Variants in WDR72 observed in about 807,000 individuals in gnomAD.
WDR72 encodes WD repeat-containing protein 72.
WDR72 carries 120 observed loss-of-function variants against 124.2 expected under a neutral mutation model. The observed-to-expected ratio is 0.97, with a 90% CI of 0.83 to 1.12. The LOEUF (loss-of-function observed/expected upper bound fraction) is 1.12, where lower values mean the gene tolerates loss of function less well. Ranked by LOEUF, WDR72 falls within the 50% of genes most tolerant of loss-of-function variation. The probability of loss-of-function intolerance (pLI) is 0.00; values close to 1 mark genes in which losing one functional copy is unlikely to be tolerated. For missense variants in WDR72, 1,387 were observed against 1,278.8 expected, an observed-to-expected ratio of 1.08 and a Z score of -1.29; for synonymous variants, 452 against 441.7, an observed-to-expected ratio of 1.02 and a Z score of -0.29.
chr15:53,555,263 A>G (rs1417700925), intron 18 of WDR72, among the ~76,000 whole-genome samples: 3 of 151,662 alleles, frequency 2.0e-5, no homozygotes, highest in African/African-American at 4.8e-5. Context: ...GAAACTGTGC[A>G]CCAACTCAGG....
intron 13 of WDR72, among the ~76,000 whole-genome samples, chr15:53,669,434 G>T (rs1355634046): frequency 6.6e-6 from 1 of 152,074 alleles, no homozygotes; most frequent in Non-Finnish European, 1.5e-5. Flanking sequence ...AAGTTCTAGG[G>T]CTAGGAGTCA....
At chr15:53,581,807 T>C (rs2011943231) in intron 18 of WDR72, among the ~76,000 whole-genome samples, 2 of 152,100 alleles carry the variant, frequency 1.3e-5, no homozygotes, top group Non-Finnish European at 2.9e-5. Flanking sequence ...TCTAAAATTG[T>C]ACTTTATATT....
intron 1 of WDR72, among the ~76,000 whole-genome samples, chr15:53,738,920 T>A (rs2018432781): frequency 6.6e-6 from 1 of 152,180 alleles, no homozygotes; most frequent in Non-Finnish European, 1.5e-5. Flanking sequence ...AAACACAGAT[T>A]ATTAAATCTG....
chr15:53,598,226 CA>C (rs2012870812), intron 17 of WDR72, among the ~76,000 whole-genome samples: 1 of 86,600 alleles, frequency 1.2e-5, no homozygotes, highest in Non-Finnish European at 3.5e-5. Flanking sequence ...CATATAGCTA[CA>C]TCCCAGTGCC....
Position 53,706,052 on chromosome 15 carries a change from A to G in WDR72, c.977T>C (p.Met326Thr), listed in dbSNP as rs1454934268. The change falls in exon 10 of 20, where the codon ATG becomes ACG. Residue 326 changes from methionine (M) to threonine (T), a missense_variant. Physicochemically the swap from Met to Thr is moderately conservative, Grantham distance 81 (BLOSUM62 -1). Coordinates refer to ENST00000360509, the MANE Select transcript of WDR72 (RefSeq NM_182758.4). ...ENKEQSRPFV[M>T]GYMNERKEPF... Reference sequence around the variant, plus strand: ...CTCTTTCCTTTCATTCATGTAGCCCATAACAAAGGGACGGCTCTGTTCCTA... The same window carrying G: ...CTCTTTCCTTTCATTCATGTAGCCCGTAACAAAGGGACGGCTCTGTTCCTA... 2.5e-6 allele frequency: 4 copies of G among 1,614,002 alleles called. No individual in the cohort carries two copies. The highest frequency in any genetic ancestry group is 1.1e-5 in the South Asian group (1 of 91,088).
intron 18 of WDR72, among the ~76,000 whole-genome samples, chr15:53,584,254 T>C (rs528701875): frequency 1.6e-4 from 25 of 152,086 alleles, no homozygotes; most frequent in African/African-American, 5.1e-4. Flanking sequence ...GTGATTGAGA[T>C]AATGACCAAC....
In WDR72 at chr15:53,733,134, G is replaced by C; in HGVS notation, c.16C>G (p.Gln6Glu). 6.2e-7 allele frequency: 1 copy of C among 1,614,012 alleles called. No individual in the cohort carries two copies. The highest frequency in any genetic ancestry group is 1.1e-5 in the South Asian group (1 of 91,086). Residue 6 changes from glutamine to glutamate, a missense_variant, in exon 2 of 20, where the codon CAG becomes GAG. Coordinates refer to ENST00000360509, the MANE Select transcript of WDR72 (RefSeq NM_182758.4). ...TTCTGTCCCCAGAGTGCCACTGCCT[G>C]CAGGGAAGTCCTCATTTTGGGCGAA... MRTSLQAVALWGQKAP... is the reference protein window; with the variant it reads MRTSLEAVALWGQKAP...
At chr15:53,720,760 C>A (rs2017855274) in intron 3 of WDR72, among the ~76,000 whole-genome samples, 1 of 152,086 alleles carries the variant, frequency 6.6e-6, no homozygotes, top group African/African-American at 2.4e-5. Context: ...TTTTCTTTGG[C>A]ATTCTGTTGT....
chr15:53,692,117 G>A (rs1421332763), intron 13 of WDR72, among the ~76,000 whole-genome samples: 1 of 152,136 alleles, frequency 6.6e-6, no homozygotes, highest in African/African-American at 2.4e-5. Flanking sequence ...TGTGCTATGG[G>A]AACAAGTCAT....
At chr15:53,718,814 A>AGATTTTTAAAAATTTTAAAAATCTTAAG in intron 3 of WDR72, among the ~76,000 whole-genome samples, 1 of 149,810 alleles carries the variant, frequency 6.7e-6, no homozygotes, top group African/African-American at 2.4e-5. Context: ...AAAAACCTTA[A>AGATTTTTAAAAATTTTAAAAATCTTAAG]GATTTTTAAA....
At chr15:53,762,438 G>A (rs534035638), upstream of WDR72, among the ~76,000 whole-genome samples, 1 of 152,158 alleles carries the variant, frequency 6.6e-6, no homozygotes, top group Non-Finnish European at 1.5e-5. Flanking sequence ...CTGCTTGACT[G>A]TAAGCTCTGT....
intron 18 of WDR72, among the ~76,000 whole-genome samples, chr15:53,549,870 G>T (rs1348529570): frequency 1.3e-5 from 2 of 152,104 alleles, no homozygotes; most frequent in African/African-American, 4.8e-5. Context: ...CCAAATTCAG[G>T]TGCCTAAACC....
At chr15:53,713,398 A>ATTTTGTTTTG (rs2017604543) in intron 6 of WDR72, among the ~76,000 whole-genome samples, 5 of 115,424 alleles carry the variant, frequency 4.3e-5, no homozygotes, top group African/African-American at 8.8e-5. Flanking sequence ...ATTTTATTTT[A>ATTTTGTTTTG]TTTTATTTTG....
At chr15:53,661,083 TG>T (rs1242741516) in intron 14 of WDR72, among the ~76,000 whole-genome samples, 2 of 152,146 alleles carry the variant, frequency 1.3e-5, no homozygotes, top group African/African-American at 4.8e-5. Context: ...GTTGAAGAAT[TG>T]TCTATGGTCG....
At chr15:53,728,447 A>G (rs950578055) in intron 2 of WDR72, among the ~76,000 whole-genome samples, 1 of 152,192 alleles carries the variant, frequency 6.6e-6, no homozygotes, top group Non-Finnish European at 1.5e-5. Context: ...CAAAAACACA[A>G]TCACAGAGTA....
chr15:53,545,483 C>T (rs1893400322), intron 18 of WDR72, among the ~76,000 whole-genome samples: 2 of 150,848 alleles, frequency 1.3e-5, no homozygotes, highest in African/African-American at 4.9e-5. Context: ...AAACTGGATC[C>T]CTTCCTTACA....
At chr15:53,713,386 G>GTATTT (rs887669150) in intron 6 of WDR72, among the ~76,000 whole-genome samples, 1,350 of 120,074 alleles carry the variant, frequency 0.011, 36 homozygotes, top group African/African-American at 0.036. Context: ...AAAACCTACA[G>GTATTT]TATTTTATTT....
chr15:53,604,246 A>G (rs1393124648), intron 17 of WDR72, among the ~76,000 whole-genome samples: 1 of 152,214 alleles, frequency 6.6e-6, no homozygotes, highest in Non-Finnish European at 1.5e-5. Flanking sequence ...TTCCTTACTT[A>G]ATAAATGTTG....
At chr15:53,688,750 T>C (rs1273500979) in intron 13 of WDR72, among the ~76,000 whole-genome samples, 1 of 152,000 alleles carries the variant, frequency 6.6e-6, no homozygotes, top group Non-Finnish European at 1.5e-5. Flanking sequence ...AGAGCCCGCA[T>C]CGCCAAGTCA....
Sources: gnomAD v4.1 joint callset for allele counts (sites outside exome capture counted in the v4.1 genomes callset) on GRCh38, gnomAD v4.1.1 for gene constraint, MANE v1.5 for transcripts, NCBI Gene and HGNC (gene_info 2026-07-23, HGNC 2026-07-21) for gene names.